The following BCL11B variants were observed in gnomAD, a reference collection of about 807,000 sequenced individuals.
BCL11B encodes BCL11 transcription factor B.
Under a neutral mutation model 49.9 loss-of-function variants are expected in BCL11B, and 8 were observed. The ratio of observed to expected loss-of-function variants is 0.16; its 90% CI spans 0.09 to 0.29. The LOEUF is 0.29. Ranked by LOEUF, BCL11B falls within the 10% of genes least tolerant of loss-of-function variation. The pLI is 1.00. For synonymous variants in BCL11B, 739 were observed against 637.4 expected, an observed-to-expected ratio of 1.16 and a Z score of -2.40; for missense variants, 1,006 against 1,351.0, an observed-to-expected ratio of 0.74 and a Z score of 4.00.
At chr14:99,270,976 G>C (rs911955501) in intron 1 of BCL11B, among the ~76,000 whole-genome samples, 185 bp downstream of exon 1, 2 of 151,568 alleles carry the variant, frequency 1.3e-5, no homozygotes, top group African/African-American at 4.8e-5. Flanking sequence ...AACTCCCCGG[G>C]CTGCAAAGAA....
intron 3 of BCL11B, among the ~76,000 whole-genome samples, chr14:99,178,582 G>A (rs1566796466): frequency 6.6e-6 from 1 of 152,204 alleles, no homozygotes; most frequent in Non-Finnish European, 1.5e-5. Context: ...GATTGTACTT[G>A]GGGAACAGCA....
intron 2 of BCL11B, among the ~76,000 whole-genome samples, chr14:99,256,635 G>A (rs1889171842): frequency 6.6e-6 from 1 of 152,168 alleles, no homozygotes; most frequent in Admixed American, 6.5e-5. Context: ...CCTGGAAGAG[G>A]CTCCAGCATG....
intron 3 of BCL11B, among the ~76,000 whole-genome samples, chr14:99,189,192 C>T (rs1353189006): frequency 6.6e-6 from 1 of 152,242 alleles, no homozygotes; most frequent in Non-Finnish European, 1.5e-5. Flanking sequence ...GAAAAACCTG[C>T]GGCACTTCTG....
intron 3 of BCL11B, among the ~76,000 whole-genome samples, chr14:99,201,810 C>T (rs1887392314): frequency 6.6e-6 from 1 of 152,196 alleles, no homozygotes; most frequent in Admixed American, 6.5e-5. Context: ...CTCCTGGCCT[C>T]CCTTTGACCA....
intron 1 of BCL11B, among the ~76,000 whole-genome samples, chr14:99,260,647 C>CT (rs1000645118): frequency 2.0e-5 from 3 of 152,068 alleles, no homozygotes; most frequent in East Asian, 1.9e-4. Context: ...TTTCTCTCCT[C>CT]TTTTTTTTAT....
rs1292727788 is a variant in BCL11B at position 99,241,302 on chromosome 14, G to A, written c.428-9745C>T. Among the ~76,000 whole-genome samples, 3 of 151,898 alleles carry A rather than the reference G, an allele frequency of 2.0e-5. No individual in the cohort carries two copies. Among genetic ancestry groups the A allele is most frequent in the South Asian group, 2.1e-4 (1 of 4,800 alleles). ...ACATTGTAGATAAGAGCCCAGAGGC[G>A]GGGAGGCCTCCGGGGCCACTCTTAC... On this transcript the variant is annotated intron_variant, in intron 2 of 3. Coordinates refer to ENST00000357195, the MANE Select transcript of BCL11B (RefSeq NM_138576.4). The surrounding 1 kb of genome is among the most constrained non-coding windows in gnomAD (Gnocchi z 4.4).
At position 99,174,622 on chromosome 14, in the gene BCL11B, G is replaced by A. The variant is rs1473959852; in HGVS notation, c.2214C>T (p.Ala738=). The change falls in exon 4 of 4, where the codon GCC becomes GCT. Residue 738 remains alanine, a synonymous_variant. Coordinates refer to ENST00000357195, the MANE Select transcript of BCL11B (RefSeq NM_138576.4). ...TCTCGGACGAGTGCTCGGACGACGT[G>A]GCGAAGGGCGACTGTCGTGCGTCCG... ...GFTDARQSPF[A]TSSEHSSENG... is the part of the protein sequence containing the mutation. 3 of 1,557,374 alleles carry A rather than the reference G, an allele frequency of 1.9e-6. No individual in the cohort carries two copies. The highest frequency in any genetic ancestry group is 1.4e-5 in the African/African-American group (1 of 71,678).
intron 3 of BCL11B, among the ~76,000 whole-genome samples, chr14:99,198,662 A>G (rs1351885327): frequency 6.6e-6 from 1 of 152,122 alleles, no homozygotes; most frequent in African/African-American, 2.4e-5. Flanking sequence ...ATTCTCAGCC[A>G]TACCCCCAGC....
intron 3 of BCL11B, among the ~76,000 whole-genome samples, chr14:99,217,273 TACTC>T (rs567510559): frequency 2.6e-3 from 394 of 150,534 alleles, no homozygotes; most frequent in African/African-American, 8.6e-3. Context: ...CATATGCAAA[TACTC>T]ACATACAAAC....
intron 3 of BCL11B, among the ~76,000 whole-genome samples, chr14:99,180,702 G>A (rs1339176543): frequency 6.6e-6 from 1 of 152,132 alleles, no homozygotes; most frequent in Non-Finnish European, 1.5e-5. Context: ...GTTACGATGG[G>A]GTTTGCACGT....
rs991772162 is a variant in BCL11B at position 99,175,549 on chromosome 14, G to T, written c.1287C>A (p.Cys429Ter). 1 of 1,601,688 alleles carries T rather than the reference G, an allele frequency of 6.2e-7. No individual in the cohort carries two copies. The highest frequency in any genetic ancestry group is 1.7e-5 in the Admixed American group (1 of 59,290). The change falls in exon 4 of 4, where the codon TGC becomes TGA. Residue 429 changes from cysteine (C) to a stop codon, truncating the protein, a stop_gained. Transcript: ENST00000357195. LOFTEE classifies it high-confidence loss of function. ...PPQPPAKSKS[C>*]EFCGKTFKFQ... is the part of the protein sequence containing the mutation. Reference sequence around the variant, plus strand: ...ACTTGAAGGTCTTGCCGCAGAACTCGCACGACTTGCTCTTGGCTGGCGGCT... The same window carrying T: ...ACTTGAAGGTCTTGCCGCAGAACTCTCACGACTTGCTCTTGGCTGGCGGCT...
At chr14:99,220,674 T>C (rs960448417) in intron 3 of BCL11B, among the ~76,000 whole-genome samples, 9 of 152,054 alleles carry the variant, frequency 5.9e-5, no homozygotes, top group Non-Finnish European at 1.3e-4. Context: ...TGCATAACAA[T>C]TGCAATGTAC....
intron 3 of BCL11B, among the ~76,000 whole-genome samples, chr14:99,219,160 CACCTCCCCAGTAGCTGGG>C (rs1887939037): frequency 6.6e-6 from 1 of 152,088 alleles, no homozygotes; most frequent in African/African-American, 2.4e-5. Flanking sequence ...CTCCTGCCTC[CACCTCCCCAGTAGCTGGG>C]ATTACAGGTG....
In BCL11B at chr14:99,205,069, G is replaced by GC. The variant is rs931970910; in HGVS notation, c.640+26275dup. ...ACCTGTGGGCAGGTGTTCAGGGGAT[G>GC]CCCCTCCAGTTACATTACTTTGAAA... On this transcript the variant is annotated intron_variant, in intron 3 of 3. Transcript: ENST00000357195. This position sits in a 1 kb window ranked among gnomAD's most constrained non-coding sequence, Gnocchi z 5.0. Among the ~76,000 whole-genome samples, 68 of 152,178 alleles carry GC rather than the reference G, an allele frequency of 4.5e-4. No homozygotes were observed. Among genetic ancestry groups the GC allele is most frequent in the African/African-American group, 1.6e-3 (67 of 41,518 alleles).
chr14:99,214,216 T>A (rs537933055), intron 3 of BCL11B, among the ~76,000 whole-genome samples: 1 of 152,184 alleles, frequency 6.6e-6, no homozygotes, highest in Non-Finnish European at 1.5e-5. Context: ...CCTACTGCCC[T>A]CCACTCCAGA....
chr14:99,174,620 G>A lies in BCL11B; in HGVS notation c.2216C>T (p.Thr739Met), dbSNP rs779122255. The change falls in exon 4 of 4, where the codon ACG becomes ATG. Residue 739 changes from threonine (T) to methionine (M), a missense_variant. This residue lies in a region of BCL11B where 443 missense variants were observed against 499.7 expected (regional missense o/e 0.89). Coordinates refer to ENST00000357195, the MANE Select transcript of BCL11B (RefSeq NM_138576.4). Reference sequence around the variant, plus strand: ...GTTCTCGGACGAGTGCTCGGACGACGTGGCGAAGGGCGACTGTCGTGCGTC... The same window carrying A: ...GTTCTCGGACGAGTGCTCGGACGACATGGCGAAGGGCGACTGTCGTGCGTC... ...FTDARQSPFA[T>M]SSEHSSENGS... is the part of the protein sequence containing the mutation. 6.4e-7 allele frequency: 1 copy of A among 1,555,834 alleles called. No homozygotes were observed. The highest frequency in any genetic ancestry group is 8.7e-7 in the Non-Finnish European group (1 of 1,155,450).
chr14:99,209,606 G>T (rs1217564283), intron 3 of BCL11B, among the ~76,000 whole-genome samples: 1 of 152,140 alleles, frequency 6.6e-6, no homozygotes, highest in African/African-American at 2.4e-5. Context: ...GGGGAGCCTG[G>T]CCCCCGGCAG....
Position 99,173,577 on chromosome 14 carries a change from T to TAAA in BCL11B, c.*571_*573dup, listed in dbSNP as rs34800317. 5.0e-5 allele frequency: 9 copies of TAAA among 180,170 alleles called. No homozygotes were observed. The highest frequency in any genetic ancestry group is 6.6e-5 in the Admixed American group (1 of 15,242). The allele number at this position is 180,170 out of a possible 1,614,324, so 11.2% of individuals were successfully genotyped here. On this transcript the variant is annotated 3_prime_UTR_variant, in exon 4 of 4. Transcript: ENST00000357195. ...ACCAAAAAAAAAATTAAAAAATAAT[T>TAAA]AAAAAAAAAACTGCATGCCACTTTT...
At chr14:99,256,469 G>A (rs756716208) in intron 2 of BCL11B, among the ~76,000 whole-genome samples, 36 of 152,184 alleles carry the variant, frequency 2.4e-4, no homozygotes, top group East Asian at 7.7e-4. Flanking sequence ...TTGAACACTC[G>A]TCTGCATAAA....
Sources: allele counts gnomAD v4.1 joint callset (sites outside exome capture counted in the v4.1 genomes callset), GRCh38; gene constraint gnomAD v4.1.1; regional missense constraint gnomAD v4.1.1; non-coding constraint Gnocchi (gnomAD v3.1); transcripts MANE v1.5; gene names NCBI Gene and HGNC (gene_info 2026-07-23, HGNC 2026-07-21).